The following GSDMC variants were observed in gnomAD, a reference collection of about 807,000 sequenced individuals.
The protein encoded by GSDMC is gasdermin C, also known as gasdermin-C.
A neutral mutation model predicts 58.0 loss-of-function variants in GSDMC; 59 were observed. The ratio of observed to expected loss-of-function variants is 1.02; its 90% confidence interval spans 0.82 to 1.26. The LOEUF is 1.26. Among genes scored for constraint, GSDMC ranks in the 50% most tolerant of loss-of-function variants. GSDMC has a pLI of 0.00. For synonymous variants in GSDMC, 241 were observed against 220.2 expected (o/e 1.09, Z -0.83); for missense variants, 659 against 598.5 (o/e 1.10, Z -1.06).
At chr8:129,773,224 G>C (rs1466051762) in intron 3 of GSDMC, among the ~76,000 whole-genome samples, 1 of 152,048 alleles carries the variant, frequency 6.6e-6, no homozygotes, top group Non-Finnish European at 1.5e-5. Context: ...AAACAAGAAT[G>C]TCCACCCTCA....
chr8:129,769,955 A>G (rs2033994949), intron 3 of GSDMC, among the ~76,000 whole-genome samples: 1 of 152,254 alleles, frequency 6.6e-6, no homozygotes, highest in South Asian at 2.1e-4. Flanking sequence ...ATGAATGTGT[A>G]AAATTCATCA....
At chr8:129,737,379 G>A in the GSDMC span, among the ~76,000 whole-genome samples, 2 of 152,188 alleles carry the variant, frequency 1.3e-5, no homozygotes, top group South Asian at 2.1e-4. Context: ...CACGCTACCT[G>A]ACTTCAAACT....
At chr8:129,750,389 T>C in intron 11 of GSDMC, 42 bp downstream of exon 11, 1 of 1,586,352 alleles carries the variant, frequency 6.3e-7, no homozygotes, top group Non-Finnish European at 8.6e-7. Context: ...CCAATCCCAT[T>C]TACAGCTTTT....
the GSDMC span, among the ~76,000 whole-genome samples, chr8:129,739,997 G>A: frequency 3.3e-5 from 5 of 151,934 alleles, no homozygotes; most frequent in African/African-American, 1.2e-4. Context: ...ACCCTACGTA[G>A]GACTGGGCTA....
intron 13 of GSDMC, 60 bp downstream of exon 13, chr8:129,749,392 T>G (rs2033076096): frequency 1.7e-6 from 2 of 1,190,408 alleles, no homozygotes; most frequent in South Asian, 1.2e-5. Flanking sequence ...AGAATCATTC[T>G]TCTTACCTCT....
downstream of GSDMC, among the ~76,000 whole-genome samples, chr8:129,747,662 C>A (rs1405094400): frequency 6.6e-6 from 1 of 152,096 alleles, no homozygotes; most frequent in Non-Finnish European, 1.5e-5. Flanking sequence ...CCCATGCCTG[C>A]TGTGATATGA....
the GSDMC span, among the ~76,000 whole-genome samples, chr8:129,715,764 G>A: frequency 0.014 from 2,100 of 152,230 alleles, 15 homozygotes; most frequent in Non-Finnish European, 0.022. Context: ...CCTGGAAGTG[G>A]TAACTGCATG....
the GSDMC span, among the ~76,000 whole-genome samples, chr8:129,742,145 GA>G: frequency 1.3e-5 from 2 of 152,000 alleles, no homozygotes; most frequent in Non-Finnish European, 2.9e-5. Flanking sequence ...GCGGGACTAA[GA>G]TGGGGGTTAT....
At chr8:129,754,800 TG>T (rs151151455) in intron 6 of GSDMC, among the ~76,000 whole-genome samples, 3,037 of 152,212 alleles carry the variant, frequency 0.02, 48 homozygotes, top group Non-Finnish European at 0.029. Flanking sequence ...ATTCTGGAGT[TG>T]AAAAATGCAG....
the GSDMC span, among the ~76,000 whole-genome samples, chr8:129,726,260 G>A: frequency 1.3e-5 from 2 of 152,210 alleles, no homozygotes; most frequent in African/African-American, 2.4e-5. Flanking sequence ...AGTGTTTCAA[G>A]AAGGAGGTTC....
At chr8:129,733,804 A>C in the GSDMC span, among the ~76,000 whole-genome samples, 4 of 152,242 alleles carry the variant, frequency 2.6e-5, no homozygotes, top group East Asian at 7.7e-4. Context: ...GCAATGAAAC[A>C]AAGCTGGATG....
chr8:129,763,086 A>G (rs1256107755), intron 4 of GSDMC, among the ~76,000 whole-genome samples: 1 of 152,140 alleles, frequency 6.6e-6, no homozygotes, highest in Non-Finnish European at 1.5e-5. Flanking sequence ...TTCACTGTTT[A>G]TACTTGGGGA....
At chr8:129,778,390 T>A (rs185030156) in intron 1 of GSDMC, among the ~76,000 whole-genome samples, 138 of 152,252 alleles carry the variant, frequency 9.1e-4, no homozygotes, top group African/African-American at 3.3e-3. Context: ...GGTGCTGGGA[T>A]ACCTGGCTAG....
intron 2 of GSDMC, among the ~76,000 whole-genome samples, chr8:129,776,886 G>A (rs545962086): frequency 2.6e-5 from 4 of 151,698 alleles, no homozygotes; most frequent in South Asian, 4.2e-4. Context: ...TCAGCCTCCC[G>A]AGTAGCTGGG....
chr8:129,712,936 G>T, the GSDMC span, among the ~76,000 whole-genome samples: 1 of 152,346 alleles, frequency 6.6e-6, no homozygotes, highest in East Asian at 1.9e-4. Flanking sequence ...TCCAGGCAGG[G>T]TCCAACACAT....
chr8:129,735,081 G>A, the GSDMC span, among the ~76,000 whole-genome samples: 2 of 152,130 alleles, frequency 1.3e-5, no homozygotes, highest in Non-Finnish European at 2.9e-5. Context: ...AACAGTAAAG[G>A]GATCAATTCA....
chr8:129,767,508 A>G (rs1480336153), intron 3 of GSDMC, among the ~76,000 whole-genome samples: 2 of 151,140 alleles, frequency 1.3e-5, no homozygotes, highest in African/African-American at 4.9e-5. Context: ...CACAGCCTTG[A>G]AGCTCTGCCT....
At chr8:129,777,264 A>G (rs2034263993) in intron 2 of GSDMC, 104 bp downstream of exon 2, 1 of 687,818 alleles carries the variant, frequency 1.5e-6, no homozygotes, top group Non-Finnish European at 2.5e-6. Flanking sequence ...GCTAATCCTG[A>G]GAGCTCCTTT....
At chr8:129,777,949 C>T (rs910950438) in intron 1 of GSDMC, among the ~76,000 whole-genome samples, 4 of 152,064 alleles carry the variant, frequency 2.6e-5, no homozygotes, top group African/African-American at 4.8e-5. Flanking sequence ...ATTCATTGCC[C>T]CTTATTGTTG....
Sources: gnomAD v4.1 joint callset for allele counts (sites outside exome capture counted in the v4.1 genomes callset) on GRCh38, gnomAD v4.1.1 for gene constraint, MANE v1.5 for transcripts, NCBI Gene and HGNC (gene_info 2026-07-23, HGNC 2026-07-21) for gene names.